Variants in YWHAB observed in about 807,000 individuals in gnomAD.
The protein encoded by YWHAB is 14-3-3 protein beta/alpha.
In YWHAB, 2 loss-of-function variants were observed where a neutral mutation model predicts 28.5. That is an observed-to-expected ratio of 0.07 (90% CI 0.03 to 0.22). The LOEUF is 0.22. Among genes scored for constraint, YWHAB ranks in the 10% least tolerant of loss-of-function variants. YWHAB has a pLI of 1.00. For missense variants in YWHAB, 148 were observed against 297.1 expected (o/e 0.50, Z 3.69); for synonymous variants, 103 against 104.7 (o/e 0.98, Z 0.10).
intron 1 of YWHAB, among the ~76,000 whole-genome samples, chr20:44,893,057 C>G (rs1214778395): frequency 3.3e-5 from 5 of 152,260 alleles, no homozygotes; most frequent in Middle Eastern, 3.4e-3. Flanking sequence ...TGTCTTTGCA[C>G]TGCCTTTATT....
intron 1 of YWHAB, among the ~76,000 whole-genome samples, chr20:44,892,139 A>G (rs1350244405): frequency 6.6e-6 from 1 of 152,220 alleles, no homozygotes; most frequent in Non-Finnish European, 1.5e-5. Flanking sequence ...TCTATCTGGA[A>G]TGGTACATCT....
intron 2 of YWHAB, chr20:44,903,214 T>A (rs1438919955): frequency 1.1e-5 from 5 of 436,234 alleles, no homozygotes. Context: ...AAGCGCTTTA[T>A]GTATGTCAAC....
chr20:44,900,541 T>C (rs2066620396), intron 1 of YWHAB, among the ~76,000 whole-genome samples: 1 of 152,220 alleles, frequency 6.6e-6, no homozygotes, highest in Non-Finnish European at 1.5e-5. Flanking sequence ...TATCTACTGC[T>C]TGATGGGTGC....
At chr20:44,906,348 G>T in intron 5 of YWHAB, 34 bp from the exon 6 acceptor site, 1 of 1,610,870 alleles carries the variant, frequency 6.2e-7, no homozygotes, top group Non-Finnish European at 8.5e-7. Context: ...ACTTTTAGTA[G>T]CCCTGCTTTG....
At chr20:44,897,839 T>C (rs1446018037) in intron 1 of YWHAB, among the ~76,000 whole-genome samples, 1 of 152,222 alleles carries the variant, frequency 6.6e-6, no homozygotes, top group Non-Finnish European at 1.5e-5. Flanking sequence ...AGCATCTCAA[T>C]GTTTTAACCC....
intron 1 of YWHAB, among the ~76,000 whole-genome samples, chr20:44,901,018 CCCT>C (rs1198479625): frequency 6.6e-6 from 1 of 152,186 alleles, no homozygotes; most frequent in East Asian, 1.9e-4. Context: ...TCGTGAATTG[CCCT>C]CCTCGGCCTC....
At chr20:44,891,726 A>G (rs2066563251) in intron 1 of YWHAB, among the ~76,000 whole-genome samples, 1 of 152,268 alleles carries the variant, frequency 6.6e-6, no homozygotes, top group African/African-American at 2.4e-5. Flanking sequence ...TAGCAATGAT[A>G]TGCAACAGCT....
At chr20:44,888,074 T>C (rs938528924) in intron 1 of YWHAB, among the ~76,000 whole-genome samples, 2 of 152,370 alleles carry the variant, frequency 1.3e-5, no homozygotes, top group Admixed American at 1.3e-4. Flanking sequence ...CAAATGGTAA[T>C]GCAGCTTTTG....
chr20:44,893,570 T>C (rs1230179546), intron 1 of YWHAB, among the ~76,000 whole-genome samples: 1 of 152,002 alleles, frequency 6.6e-6, no homozygotes. Flanking sequence ...TTTACAGAAA[T>C]AAAATATTGT....
In YWHAB at chr20:44,906,504, T is replaced by TTAAA. The variant is rs2066657144; in HGVS notation, c.*66_*67insTAAA. 2 of 338,090 alleles carry TTAAA rather than the reference T, an allele frequency of 5.9e-6. No homozygotes were observed. Among genetic ancestry groups the TTAAA allele is most frequent in the Non-Finnish European group, 8.3e-6 (2 of 240,644 alleles). The allele number at this position is 338,090 out of a possible 1,614,324, so 20.9% of individuals were successfully genotyped here. On this transcript the variant is annotated 3_prime_UTR_variant, in exon 6 of 6. Coordinates refer to ENST00000353703, the MANE Select transcript of YWHAB (RefSeq NM_139323.4). ...CCCTCAACATATATCCCTTGTGCGA[T>TTAAA]AAAAAAAAAAAAAAAAAAAAAAAGA...
At chr20:44,885,983 C>G (rs1006526912) in intron 1 of YWHAB, 97 bp downstream of exon 1, 1 of 152,238 alleles carries the variant, frequency 6.6e-6, no homozygotes, top group Non-Finnish European at 1.5e-5. Flanking sequence ...GGGTGGGCCC[C>G]GTGGGGTAGC....
intron 1 of YWHAB, among the ~76,000 whole-genome samples, chr20:44,897,452 G>T (rs557294315): frequency 5.3e-5 from 8 of 152,248 alleles, no homozygotes; most frequent in African/African-American, 9.6e-5. Flanking sequence ...AGGTTGTTGG[G>T]TCATTGAAAG....
chr20:44,904,263 G>A, intron 3 of YWHAB, 147 bp downstream of exon 3: 1 of 1,067,990 alleles, frequency 9.4e-7, no homozygotes, highest in Non-Finnish European at 1.3e-6. Context: ...GTGACGAACG[G>A]GGTCATGGGC....
intron 1 of YWHAB, chr20:44,886,455 G>C (rs1016164490): frequency 6.6e-6 from 1 of 152,224 alleles, no homozygotes; most frequent in Non-Finnish European, 1.5e-5. Flanking sequence ...ATGGAGCCTG[G>C]CAGGACCCAA....
Position 44,907,258 on chromosome 20 carries a change from T to C in YWHAB, c.*820T>C, listed in dbSNP as rs1408059801. 1.3e-5 allele frequency: 2 copies of C among 152,410 alleles called. No individual in the cohort carries two copies. The highest frequency in any genetic ancestry group is 4.8e-5 in the African/African-American group (2 of 41,442). 9.4% of individuals were successfully genotyped at this position (152,410 alleles called of 1,614,324 possible). ...GCCGTGTGTTTTATGAATGACCTTA[T>C]CTGTTTCCTGGATAATACCTTTAAG... On this transcript the variant is annotated 3_prime_UTR_variant, in exon 6 of 6. Coordinates refer to ENST00000353703, the MANE Select transcript of YWHAB (RefSeq NM_139323.4).
intron 3 of YWHAB, among the ~76,000 whole-genome samples, chr20:44,904,412 G>T (rs77019878): frequency 6.6e-6 from 1 of 151,794 alleles, no homozygotes; most frequent in African/African-American, 2.4e-5. Flanking sequence ...TTGGTGGTAC[G>T]AAACTACCCT....
At chr20:44,896,655 A>G (rs1338707889) in intron 1 of YWHAB, among the ~76,000 whole-genome samples, 3 of 152,240 alleles carry the variant, frequency 2.0e-5, no homozygotes, top group Non-Finnish European at 4.4e-5. Context: ...CAGCAAAGGC[A>G]TGGAGGGGGC....
Position 44,889,462 on chromosome 20 carries a change from CT to C in YWHAB, c.-4+3591del, listed in dbSNP as rs11398883. Among the ~76,000 whole-genome samples the C allele has an allele frequency of 3.9e-3, 565 of 144,792 alleles. 2 individuals carry two copies. In the East Asian group the frequency reaches 0.04, roughly 10 times the overall value. The allele number at this position is 144,792 out of a possible 152,430, so 95.0% of individuals were successfully genotyped here. Reference sequence around the variant, plus strand: ...TCCTAGCAGATTGTAGGTTAGTTAACTTTTTTTTTTTTTTTAAATTCTGGCC... The same window carrying C: ...TCCTAGCAGATTGTAGGTTAGTTAACTTTTTTTTTTTTTTAAATTCTGGCC... On this transcript the variant is annotated intron_variant, in intron 1 of 5. Transcript: ENST00000353703.
intron 1 of YWHAB, chr20:44,886,198 C>T (rs1668111948): frequency 6.6e-6 from 1 of 152,536 alleles, no homozygotes; most frequent in Non-Finnish European, 1.5e-5. Flanking sequence ...TCACTATCTG[C>T]TTCGGGCCCC....
Sources: allele counts gnomAD v4.1 joint callset (sites outside exome capture counted in the v4.1 genomes callset), GRCh38; gene constraint gnomAD v4.1.1; transcripts MANE v1.5; gene names NCBI Gene and HGNC (gene_info 2026-07-23, HGNC 2026-07-21).